Variants in PKD1 observed in about 807,000 individuals in gnomAD.
The protein encoded by PKD1 is polycystin-1.
In PKD1, 81 loss-of-function variants were observed where a neutral mutation model predicts 361.7. That is an observed-to-expected ratio of 0.22 (90% CI 0.19 to 0.27). The LOEUF is 0.27. Ranked by LOEUF, PKD1 falls within the 10% of genes least tolerant of loss-of-function variation. The probability of loss-of-function intolerance (pLI) is 1.00; values close to 1 mark genes in which losing one functional copy is unlikely to be tolerated. For synonymous variants in PKD1, 3,615 were observed against 2,818.3 expected (o/e 1.28, Z -8.95); for missense variants, 6,399 against 6,118.3 (o/e 1.05, Z -1.53).
Position 2,100,227 on chromosome 16 carries a change from G to T in PKD1, c.9651C>A (p.Asp3217Glu), listed in dbSNP as rs562915885. The T allele has an allele frequency of 6.2e-7, 1 of 1,610,384 alleles. No individual in the cohort carries two copies. Among genetic ancestry groups the T allele is most frequent in the Non-Finnish European group, 8.5e-7 (1 of 1,179,594 alleles). ...TGGCCTCCGTCTCCACCGAAAGCCA[G>T]TCATTGACCAGGAAGAAGGCGCTGC... The part of the protein sequence containing the change: ...TARSAFFLVN[D>E]WLSVETEANG... Residue 3217 changes from aspartate to glutamate, a missense_variant, in exon 28 of 46, where the codon GAC (aspartate) becomes GAA (glutamate). By Grantham distance (45) the Asp-to-Glu change is conservative. Coordinates refer to ENST00000262304, the MANE Select transcript of PKD1 (RefSeq NM_001009944.3). This position sits in a 1 kb window ranked among gnomAD's most constrained non-coding sequence, Gnocchi z 4.4.
At chr16:2,103,018 C>T in intron 23 of PKD1, 48 bp from the exon 24 acceptor site, 2 of 1,588,086 alleles carry the variant, frequency 1.3e-6, no homozygotes, top group African/African-American at 1.3e-5. Context: ...GCTCAACCAC[C>T]CGGGGGACAC....
chr16:2,102,982 C>G lies in PKD1; in HGVS notation c.8792-12G>C, dbSNP rs376170927. On this transcript the variant is annotated splice_polypyrimidine_tract_variant and intron_variant, in intron 23 of 45. Transcript: ENST00000262304. Reference sequence around the variant, plus strand: ...AGACAGGTAGTGGCCTGGGGCAGAACGCGCAGGTCACACGCCTGCCGGGAA... The same window carrying G: ...AGACAGGTAGTGGCCTGGGGCAGAAGGCGCAGGTCACACGCCTGCCGGGAA... The G allele has an allele frequency of 1.9e-6, 3 of 1,601,526 alleles. No individual in the cohort carries two copies. The highest frequency in any genetic ancestry group is 2.7e-5 in the African/African-American group (2 of 74,852).
rs973174830 is a variant in PKD1 at position 2,104,736 on chromosome 16, C to A, written c.8017-94G>T. 24 of 760,944 alleles carry A rather than the reference C, an allele frequency of 3.2e-5. No homozygotes were observed. In the African/African-American group the frequency reaches 3.9e-4, roughly 12 times the overall value. 47.1% of individuals were successfully genotyped at this position (760,944 alleles called of 1,614,324 possible). A position where few individuals can be genotyped will look rare whatever the true frequency, so the allele number is the denominator to read the frequency against. On this transcript the variant is annotated intron_variant, in intron 21 of 45. Coordinates refer to ENST00000262304, the MANE Select transcript of PKD1 (RefSeq NM_001009944.3). ...CGGGTCCTCACCTGGCTCCCACCCC[C>A]AGCCCTGCAGCTGGAGAGCCCACTT...
chr16:2,097,058 A>AC, intron 34 of PKD1, 90 bp downstream of exon 34: 8 of 364,442 alleles, frequency 2.2e-5, no homozygotes, highest in East Asian at 7.0e-5. Flanking sequence ...ACCCCACCCC[A>AC]CCCTACCCCA....
intron 30 of PKD1, chr16:2,099,258 G>A (rs973541456): frequency 6.4e-5 from 23 of 356,794 alleles, no homozygotes; most frequent in East Asian, 2.2e-4. Context: ...CACCACACCC[G>A]GCCCGGCCAC....
Position 2,110,165 on chromosome 16 carries a change from C to A in PKD1, c.5002G>T (p.Ala1668Ser). The change falls in exon 15 of 46, where the codon GCC (alanine) becomes TCC (serine). Residue 1668 changes from alanine to serine, a missense_variant. Coordinates refer to ENST00000262304, the MANE Select transcript of PKD1 (RefSeq NM_001009944.3). ...AGGGCCGGGCCCCTGTCCCTCCAGGCAGTCCAGCTGTAGGAGACGTTGGTG... is the reference window on the plus strand; with the variant it reads ...AGGGCCGGGCCCCTGTCCCTCCAGGAAGTCCAGCTGTAGGAGACGTTGGTG... ...DGTNVSYSWT[A>S]WRDRGPALAG... The A allele has an allele frequency of 6.2e-7, 1 of 1,610,622 alleles. No homozygotes were observed. Among genetic ancestry groups the A allele is most frequent in the Non-Finnish European group, 8.5e-7 (1 of 1,179,696 alleles).
At chr16:2,093,445 G>A in intron 37 of PKD1, 99 bp downstream of exon 37, 5 of 1,159,216 alleles carry the variant, frequency 4.3e-6, no homozygotes, top group Non-Finnish European at 6.2e-6. Context: ...AGGGCCTTCT[G>A]AGGTGAGGAA....
In PKD1 at chr16:2,110,463, G is replaced by T. The variant is rs778012915; in HGVS notation, c.4704C>A (p.Phe1568Leu). The change falls in exon 15 of 46, where the codon TTC (phenylalanine) becomes TTA (leucine). Residue 1568 changes from phenylalanine to leucine, a missense_variant. By Grantham distance (22) the Phe-to-Leu change is conservative (BLOSUM62 0). Coordinates refer to ENST00000262304, the MANE Select transcript of PKD1 (RefSeq NM_001009944.3). Reference protein sequence around the residue: ...TVVPLNGSVSFSTSLEAGSDV... With the variant: ...TVVPLNGSVSLSTSLEAGSDV... ...CACTGCCGGCCTCCAGCGACGTGCT[G>T]AAGCTCACGCTCCCATTCAGGGGCA... is the stretch of plus-strand genomic sequence containing the variant. The T allele has an allele frequency of 1.9e-6, 3 of 1,612,440 alleles. No homozygotes were observed. In the African/African-American group the frequency reaches 4.0e-5, roughly 22 times the overall value.
intron 39 of PKD1, 69 bp from the exon 40 acceptor site, chr16:2,092,257 G>A: frequency 2.0e-6 from 3 of 1,504,106 alleles, no homozygotes; most frequent in Admixed American, 4.0e-5. Context: ...TTTCCTGCTG[G>A]CCAGCTCGCC....
At chr16:2,107,799 C>G (rs1455588782) in intron 16 of PKD1, 84 bp downstream of exon 16, 1 of 1,318,778 alleles carries the variant, frequency 7.6e-7, no homozygotes, top group Non-Finnish European at 1.1e-6. Flanking sequence ...GCGGCCTCCA[C>G]CAGCACTAAA....
In PKD1 at chr16:2,116,910, C is replaced by T. The variant is rs1293305047; in HGVS notation, c.1529G>A (p.Arg510Gln). The change falls in exon 7 of 46, where the codon CGG (arginine) becomes CAG (glutamine). Residue 510 changes from arginine to glutamine, a missense_variant. Coordinates refer to ENST00000262304, the MANE Select transcript of PKD1 (RefSeq NM_001009944.3). ...GTTACACCACCCGGTGGGCCCGAGC[C>T]GGACGCAGTGCTCGGCTGTGGCTGG... The part of the protein sequence containing the change: ...PHPATAEHCV[R>Q]LGPTGWCNTD... 1 of 1,520,110 alleles carries T rather than the reference C, an allele frequency of 6.6e-7. No homozygotes were observed. Among genetic ancestry groups the T allele is most frequent in the Non-Finnish European group, 8.8e-7 (1 of 1,131,484 alleles). 94.2% of individuals were successfully genotyped at this position (1,520,110 alleles called of 1,614,324 possible). A position where few individuals can be genotyped will look rare whatever the true frequency, so the allele number is the denominator to read the frequency against.
Position 2,110,490 on chromosome 16 carries a change from C to G in PKD1, c.4677G>C (p.Val1559=). The G allele has an allele frequency of 6.2e-7, 1 of 1,612,396 alleles. No homozygotes were observed. Among genetic ancestry groups the G allele is most frequent in the Non-Finnish European group, 8.5e-7 (1 of 1,179,834 alleles). ...RGLVVNASRT[V]VPLNGSVSFS... ...AGCTCACGCTCCCATTCAGGGGCAC[C>G]ACCGTGCGGCTTGCATTGACGACGA... The change falls in exon 15 of 46, where the codon GTG becomes GTC. Residue 1559 remains valine (V), a synonymous_variant. Transcript: ENST00000262304.
Position 2,102,904 on chromosome 16 carries a change from T to C in PKD1, c.8858A>G (p.Asn2953Ser), listed in dbSNP as rs780080465. 9 of 1,609,814 alleles carry C rather than the reference T, an allele frequency of 5.6e-6. No homozygotes were observed. The East Asian group carries it at 1.3e-4, about 24-fold the overall frequency. ...AVYLHSEPRP[N>S]EHNCSASRRI... ...CCTGCTAGCCGAGCAGTTGTGCTCA[T>C]TGGGCCGGGGCTCCGAGTGTAGGTA... The change falls in exon 24 of 46, where the codon AAT (asparagine) becomes AGT (serine). Residue 2953 changes from asparagine to serine, a missense_variant. Physicochemically the swap from Asn to Ser is conservative, Grantham distance 46 (BLOSUM62 1). Coordinates refer to ENST00000262304, the MANE Select transcript of PKD1 (RefSeq NM_001009944.3).
In PKD1 at chr16:2,091,911, C is replaced by A. The variant is rs373922889; in HGVS notation, c.11412-5G>T. Reference sequence around the variant, plus strand: ...CAGGAGCCCCAGGACCATGCCCTGCCGGAGAGGGGTGGCGTGGGTGCCGCA... The same window carrying A: ...CAGGAGCCCCAGGACCATGCCCTGCAGGAGAGGGGTGGCGTGGGTGCCGCA... On this transcript the variant is annotated splice_polypyrimidine_tract_variant and splice_region_variant and intron_variant, in intron 40 of 45. Coordinates refer to ENST00000262304, the MANE Select transcript of PKD1 (RefSeq NM_001009944.3). 1.2e-6 allele frequency: 2 copies of A among 1,611,604 alleles called. No homozygotes were observed. The highest frequency in any genetic ancestry group is 1.7e-6 in the Non-Finnish European group (2 of 1,179,616).
Position 2,108,833 on chromosome 16 carries a change from G to A in PKD1, c.6334C>T (p.His2112Tyr), listed in dbSNP as rs2092427386. The change falls in exon 15 of 46, where the codon CAC (histidine) becomes TAC (tyrosine). Residue 2112 changes from histidine (H) to tyrosine (Y), a missense_variant. By Grantham distance (83) the His-to-Tyr change is moderately conservative. Transcript: ENST00000262304. ...GQDTDEPRAEHSYLRPGDYRV... is the reference protein window; with the variant it reads ...GQDTDEPRAEYSYLRPGDYRV... ...TAGTCCCCAGGCCTCAGGTAGGAGT[G>A]CTCGGCCCTGGGCTCATCTGTGTCC... 2 of 1,570,506 alleles carry A rather than the reference G, an allele frequency of 1.3e-6. No individual in the cohort carries two copies.
At chr16:2,129,162 G>A (rs1596620498) in intron 1 of PKD1, among the ~76,000 whole-genome samples, 1 of 132,540 alleles carries the variant, frequency 7.5e-6, no homozygotes, top group South Asian at 2.5e-4. Context: ...CGCCCACCCT[G>A]TTTTTTTTTT....
At chr16:2,112,715 G>T in intron 13 of PKD1, 73 bp downstream of exon 13, 1 of 1,484,406 alleles carries the variant, frequency 6.7e-7, no homozygotes, top group East Asian at 2.3e-5. Context: ...CGTGATGTGG[G>T]GGTCCCTCGG....
chr16:2,111,482 C>A lies in PKD1; in HGVS notation c.3685G>T (p.Val1229Leu). 6.2e-7 allele frequency: 1 copy of A among 1,611,410 alleles called. No individual in the cohort carries two copies. Among genetic ancestry groups the A allele is most frequent in the Non-Finnish European group, 8.5e-7 (1 of 1,179,414 alleles). Residue 1229 changes from valine to leucine, a missense_variant, in exon 15 of 46, where the codon GTG (valine) becomes TTG (leucine). Coordinates refer to ENST00000262304, the MANE Select transcript of PKD1 (RefSeq NM_001009944.3). ...GTCTGCACCGCGGCGCTGACCACCA[C>A]GGGGGCGCCCTGCTCCACGGCCAGG... ...MSLAVEQGAP[V>L]VVSAAVQTGD...
intron 1 of PKD1, among the ~76,000 whole-genome samples, chr16:2,128,615 G>GGTGCC (rs1448199256): frequency 1.3e-4 from 20 of 152,196 alleles, no homozygotes; most frequent in African/African-American, 4.8e-4. Flanking sequence ...GCAACCCTGC[G>GGTGCC]GTGCCGTGAT....
Sources: gnomAD v4.1 joint callset for allele counts (sites outside exome capture counted in the v4.1 genomes callset) on GRCh38, gnomAD v4.1.1 for gene constraint, Gnocchi (gnomAD v3.1) non-coding constraint, MANE v1.5 for transcripts, NCBI Gene and HGNC (gene_info 2026-07-23, HGNC 2026-07-21) for gene names.